DCDC1: variants seen among roughly 807,000 people sequenced by gnomAD.
The protein encoded by DCDC1 is doublecortin domain containing 1.
DCDC1 carries 200 observed loss-of-function variants against 178.3 expected under a neutral mutation model. That is an observed-to-expected ratio of 1.12 (90% CI 1.00 to 1.26). The LOEUF (loss-of-function observed/expected upper bound fraction) is 1.26, where lower values mean the gene tolerates loss of function less well. Among genes scored for constraint, DCDC1 ranks in the 50% most tolerant of loss-of-function variants. The probability of loss-of-function intolerance (pLI) is 0.00; values close to 1 mark genes in which losing one functional copy is unlikely to be tolerated. For missense variants in DCDC1, 1,983 were observed against 1,749.2 expected (o/e 1.13, Z -2.38); for synonymous variants, 690 against 604.8 (o/e 1.14, Z -2.07).
intron 17 of DCDC1, among the ~76,000 whole-genome samples, chr11:31,078,780 T>C (rs1230971842): frequency 2.0e-5 from 3 of 152,156 alleles, no homozygotes; most frequent in Non-Finnish European, 2.9e-5. Flanking sequence ...TCTAGAATCC[T>C]AGCCTCAGAG....
At chr11:31,020,660 C>A (rs1952811532) in intron 20 of DCDC1, among the ~76,000 whole-genome samples, 1 of 152,030 alleles carries the variant, frequency 6.6e-6, no homozygotes, top group Admixed American at 6.6e-5. Flanking sequence ...TGGTTTTGAA[C>A]TCCTGGCCTC....
chr11:31,367,433 C>A (rs931628397), intron 1 of DCDC1, among the ~76,000 whole-genome samples: 2 of 152,182 alleles, frequency 1.3e-5, no homozygotes, highest in African/African-American at 4.8e-5. Context: ...GTCTATGGGA[C>A]TGTTGGGTTG....
intron 9 of DCDC1, among the ~76,000 whole-genome samples, chr11:31,147,550 T>C (rs776548935): frequency 2.0e-5 from 3 of 152,216 alleles, no homozygotes; most frequent in Non-Finnish European, 4.4e-5. Context: ...ACCCTGGTTA[T>C]ATTAACCATT....
intron 9 of DCDC1, among the ~76,000 whole-genome samples, chr11:31,161,624 G>A (rs997419544): frequency 6.6e-6 from 1 of 152,118 alleles, no homozygotes; most frequent in Non-Finnish European, 1.5e-5. Context: ...CATAGAAACG[G>A]CTCTTCCATC....
intron 9 of DCDC1, among the ~76,000 whole-genome samples, chr11:31,193,983 C>T (rs75530740): frequency 0.018 from 2,766 of 152,138 alleles, 80 homozygotes; most frequent in African/African-American, 0.063. Flanking sequence ...GATTCGGGCC[C>T]GCTTTGACTA....
chr11:31,295,461 C>T (rs1366288819), intron 6 of DCDC1, among the ~76,000 whole-genome samples: 1 of 152,122 alleles, frequency 6.6e-6, no homozygotes. Flanking sequence ...CAGCTGCACC[C>T]TTCTGAGAAT....
intron 11 of DCDC1, among the ~76,000 whole-genome samples, chr11:31,124,232 GA>G (rs1366734736): frequency 6.6e-6 from 1 of 151,952 alleles, no homozygotes; most frequent in Non-Finnish European, 1.5e-5. Context: ...AACATAAAGG[GA>G]TGTTGAATTT....
intron 7 of DCDC1, among the ~76,000 whole-genome samples, chr11:31,267,779 G>T (rs865857251): frequency 1.3e-5 from 2 of 152,300 alleles, no homozygotes; most frequent in Middle Eastern, 3.4e-3. Context: ...AAATAAACTG[G>T]AGTTTGTCTG....
intron 38 of DCDC1, among the ~76,000 whole-genome samples, chr11:30,875,234 C>G (rs1345303089): frequency 6.6e-6 from 1 of 152,174 alleles, no homozygotes; most frequent in African/African-American, 2.4e-5. Context: ...TATGGCCACA[C>G]AGCCCCAAAC....
chr11:31,141,225 T>G (rs537850266), intron 9 of DCDC1, among the ~76,000 whole-genome samples: 1 of 152,334 alleles, frequency 6.6e-6, no homozygotes, highest in South Asian at 2.1e-4. Flanking sequence ...TAAAAATCTC[T>G]TTTATAGGAG....
chr11:30,950,700 C>T (rs1225450250), intron 21 of DCDC1, among the ~76,000 whole-genome samples: 1 of 151,656 alleles, frequency 6.6e-6, no homozygotes, highest in African/African-American at 2.4e-5. Flanking sequence ...TTGCCAGAGC[C>T]TGGGAAAGGT....
chr11:30,949,712 G>A (rs1345247283), intron 21 of DCDC1, among the ~76,000 whole-genome samples: 1 of 152,046 alleles, frequency 6.6e-6, no homozygotes, highest in Non-Finnish European at 1.5e-5. Context: ...GCAGGGACAT[G>A]GATGAAGCTG....
intron 9 of DCDC1, among the ~76,000 whole-genome samples, chr11:31,145,376 G>A (rs546004935): frequency 2.6e-5 from 4 of 152,252 alleles, no homozygotes; most frequent in East Asian, 1.9e-4. Flanking sequence ...GAACGAGTGC[G>A]TTGAGGAAAC....
At chr11:31,128,256 T>A (rs904724931) in intron 10 of DCDC1, among the ~76,000 whole-genome samples, 5 of 152,088 alleles carry the variant, frequency 3.3e-5, no homozygotes, top group African/African-American at 7.2e-5. Context: ...TATATATTAA[T>A]GTCAAAATAA....
chr11:31,074,521 C>T (rs1034829745), intron 18 of DCDC1, among the ~76,000 whole-genome samples: 1 of 152,104 alleles, frequency 6.6e-6, no homozygotes, highest in African/African-American at 2.4e-5. Flanking sequence ...TGTGAGAATA[C>T]GGCATTTGTC....
intron 36 of DCDC1, 24 bp downstream of exon 36, chr11:30,892,794 A>G (rs1943897320): frequency 6.2e-7 from 1 of 1,613,228 alleles, no homozygotes. Flanking sequence ...GGCCTATGAA[A>G]CACTCCTTTC....
Position 30,906,557 on chromosome 11 carries a change from CCT to C in DCDC1, c.4085_4086del (p.Lys1362SerfsTer6). The stretch of plus-strand genomic sequence containing the variant: ...TTACATACCTCAGCCACACTGATGA[CCT>C]TGAAGGGCCCTTGTAAGAAGGGCTT... Reference protein sequence around the residue: ...TQKPFLQGPFKVISVAEVDLS... With the variant: ...TQKPFLQGPFXVISVAEVDLS... On this transcript the variant is annotated frameshift_variant, in exon 30 of 39. Coordinates refer to ENST00000684477, the MANE Select transcript of DCDC1 (RefSeq NM_001387274.1). LOFTEE classifies it high-confidence loss of function. 1 of 1,612,900 alleles carries C rather than the reference CCT, an allele frequency of 6.2e-7. No individual in the cohort carries two copies. Among genetic ancestry groups the C allele is most frequent in the Non-Finnish European group, 8.5e-7 (1 of 1,179,438 alleles).
chr11:31,143,549 G>C (rs1267959819), intron 9 of DCDC1, among the ~76,000 whole-genome samples: 1 of 152,126 alleles, frequency 6.6e-6, no homozygotes, highest in Non-Finnish European at 1.5e-5. Flanking sequence ...TATAAGTGGA[G>C]CATATGTGCC....
Position 31,290,769 on chromosome 11 carries a change from G to C in DCDC1, c.838C>G (p.Pro280Ala). 6.2e-7 allele frequency: 1 copy of C among 1,613,390 alleles called. No homozygotes were observed. Among genetic ancestry groups the C allele is most frequent in the Non-Finnish European group, 8.5e-7 (1 of 1,179,592 alleles). Residue 280 changes from proline to alanine, a missense_variant, in exon 7 of 39, where the codon CCT (proline) becomes GCT (alanine). Coordinates refer to ENST00000684477, the MANE Select transcript of DCDC1 (RefSeq NM_001387274.1). ...PTDIKRRKTK[P>A]VLSIRMKKLT... ...TTCTTCATTCTAATAGAAAGAACAG[G>C]CTTGGTTTTCCGTCTTTTGATATCA... is the stretch of plus-strand genomic sequence containing the variant.
Sources: allele counts gnomAD v4.1 joint callset (sites outside exome capture counted in the v4.1 genomes callset), GRCh38; gene constraint gnomAD v4.1.1; transcripts MANE v1.5; gene names NCBI Gene and HGNC (gene_info 2026-07-23, HGNC 2026-07-21).